Variants in TRAPPC9 observed in about 807,000 individuals in gnomAD.
TRAPPC9 encodes trafficking protein particle complex subunit 9, also known as IKK2 binding protein.
In TRAPPC9, 83 loss-of-function variants were observed where a neutral mutation model predicts 124.0. The ratio of observed to expected loss-of-function variants is 0.67; its 90% CI spans 0.56 to 0.80. TRAPPC9 has a LOEUF of 0.80. TRAPPC9 is among the 30% of genes least tolerant of loss of function. The pLI, the probability that TRAPPC9 is intolerant of heterozygous loss-of-function variation, is 0.00. For missense variants in TRAPPC9, 1,302 were observed against 1,508.3 expected (o/e 0.86, Z 2.27); for synonymous variants, 638 against 617.5 (o/e 1.03, Z -0.49).
chr8:139,799,724 G>A (rs1298155183), intron 21 of TRAPPC9, among the ~76,000 whole-genome samples: 1 of 152,222 alleles, frequency 6.6e-6, no homozygotes, highest in African/African-American at 2.4e-5. Flanking sequence ...GCAGTAACAG[G>A]AAGAATGTCC....
intron 17 of TRAPPC9, among the ~76,000 whole-genome samples, chr8:140,043,069 T>TC (rs1346113672): frequency 3.3e-5 from 5 of 152,126 alleles, no homozygotes; most frequent in Non-Finnish European, 7.4e-5. Context: ...ACATCAGCTG[T>TC]CCCCCACTCT....
intron 17 of TRAPPC9, among the ~76,000 whole-genome samples, chr8:140,072,833 T>A (rs1263901406): frequency 6.6e-6 from 1 of 151,918 alleles, no homozygotes; most frequent in East Asian, 1.9e-4. Context: ...ATTATTTAGA[T>A]CCAGAATATT....
intron 9 of TRAPPC9, among the ~76,000 whole-genome samples, chr8:140,343,551 T>C (rs1198572081): frequency 6.6e-6 from 1 of 152,188 alleles, no homozygotes; most frequent in Non-Finnish European, 1.5e-5. Context: ...CTCTGCACAT[T>C]TCACTTCCTA....
At chr8:140,143,033 G>A (rs1197812895) in intron 17 of TRAPPC9, among the ~76,000 whole-genome samples, 1 of 152,242 alleles carries the variant, frequency 6.6e-6, no homozygotes, top group East Asian at 1.9e-4. Context: ...GATAAAAGCA[G>A]CTGTTAGTGG....
chr8:139,868,825 T>C (rs1828714168), intron 21 of TRAPPC9, among the ~76,000 whole-genome samples: 1 of 152,236 alleles, frequency 6.6e-6, no homozygotes, highest in Non-Finnish European at 1.5e-5. Context: ...ATGGAGCTTA[T>C]ATTCTAATGA....
chr8:139,780,373 A>T (rs968678026), intron 21 of TRAPPC9, among the ~76,000 whole-genome samples: 2 of 152,166 alleles, frequency 1.3e-5, no homozygotes, highest in Admixed American at 6.5e-5. Context: ...TCAGAAATAC[A>T]CTCATGTCTG....
At chr8:139,739,675 G>A (rs989431050) in intron 21 of TRAPPC9, among the ~76,000 whole-genome samples, 1 of 152,226 alleles carries the variant, frequency 6.6e-6, no homozygotes, top group African/African-American at 2.4e-5. Context: ...AGGGCTTCCT[G>A]CCCCTGCCAG....
Position 140,043,312 on chromosome 8 carries a change from C to A in TRAPPC9, c.2557-19233G>T, listed in dbSNP as rs1295585544. On this transcript the variant is annotated intron_variant, in intron 17 of 22. Transcript: ENST00000438773. Reference sequence around the variant, plus strand: ...ACAAACATCTCTTGTACACTAAATTCAGTTTTGTTTAATCATCTTGTGGCT... The same window carrying A: ...ACAAACATCTCTTGTACACTAAATTAAGTTTTGTTTAATCATCTTGTGGCT... Among the ~76,000 whole-genome samples the A allele has an allele frequency of 2.0e-5, 3 of 152,210 alleles. No individual in the cohort carries two copies. In the East Asian group the frequency reaches 5.8e-4, roughly 29 times the overall value.
chr8:139,906,463 C>T (rs769998421), intron 20 of TRAPPC9, among the ~76,000 whole-genome samples: 12 of 152,132 alleles, frequency 7.9e-5, no homozygotes, highest in African/African-American at 1.7e-4. Flanking sequence ...CCCAATCACA[C>T]GTGGGGTCTG....
At chr8:139,895,087 G>A (rs551603155) in intron 20 of TRAPPC9, among the ~76,000 whole-genome samples, 44 of 152,286 alleles carry the variant, frequency 2.9e-4, no homozygotes, top group African/African-American at 6.3e-4. Flanking sequence ...GGGACAGAAC[G>A]GCCACCCCCG....
intron 4 of TRAPPC9, among the ~76,000 whole-genome samples, chr8:140,433,097 T>G (rs1431593235): frequency 1.4e-5 from 2 of 142,408 alleles, no homozygotes; most frequent in African/African-American, 2.7e-5. Flanking sequence ...GAGTCAGGAG[T>G]TGGAGACTAG....
At chr8:140,286,272 G>A (rs940229782) in intron 13 of TRAPPC9, among the ~76,000 whole-genome samples, 2 of 152,216 alleles carry the variant, frequency 1.3e-5, no homozygotes, top group Non-Finnish European at 2.9e-5. Context: ...AGGTTGCGGA[G>A]GCCAGCAGGA....
intron 21 of TRAPPC9, among the ~76,000 whole-genome samples, chr8:139,840,579 C>T (rs1212993498): frequency 6.6e-6 from 1 of 152,212 alleles, no homozygotes; most frequent in Non-Finnish European, 1.5e-5. Context: ...ACCAGAAACG[C>T]AGCCTGACCC....
intron 21 of TRAPPC9, among the ~76,000 whole-genome samples, chr8:139,832,663 C>A (rs1826067913): frequency 6.6e-6 from 1 of 152,166 alleles, no homozygotes. Context: ...GGCCTTCCCT[C>A]TGCTTGTGGG....
intron 15 of TRAPPC9, among the ~76,000 whole-genome samples, chr8:140,265,279 A>G (rs2064597781): frequency 6.6e-6 from 1 of 152,222 alleles, no homozygotes; most frequent in South Asian, 2.1e-4. Context: ...GTATGCTCAG[A>G]AGATGTCTAA....
rs952726390 is a variant in TRAPPC9 at position 140,450,892 on chromosome 8, G to C, written c.482C>G (p.Ser161Cys). The C allele has an allele frequency of 6.2e-7, 1 of 1,614,094 alleles. No individual in the cohort carries two copies. Among genetic ancestry groups the C allele is most frequent in the South Asian group, 1.1e-5 (1 of 91,070 alleles). ...FIESLFIVLE[S>C]KRLDRATDKS... is the part of the protein sequence containing the mutation. The stretch of plus-strand genomic sequence containing the variant: ...GTCTGTGGCTCTGTCCAGACGCTTG[G>C]ACTCCAGCACGATGAACAGTGACTC... The change falls in exon 2 of 23, where the codon TCC becomes TGC. Residue 161 changes from serine to cysteine, a missense_variant. Ser to Cys is a moderately radical substitution (Grantham distance 112). Transcript: ENST00000438773.
intron 16 of TRAPPC9, among the ~76,000 whole-genome samples, chr8:140,222,214 C>A (rs1477331826): frequency 6.6e-6 from 1 of 152,134 alleles, no homozygotes; most frequent in Non-Finnish European, 1.5e-5. Flanking sequence ...CTAAGTGCTA[C>A]CTCCTCACCC....
chr8:140,036,390 G>C (rs892640267), intron 17 of TRAPPC9, among the ~76,000 whole-genome samples: 13 of 152,118 alleles, frequency 8.5e-5, no homozygotes, highest in Non-Finnish European at 1.8e-4. Context: ...CTCCGCACAC[G>C]TGCTGCCATT....
At chr8:140,103,348 G>A (rs2060613210) in intron 17 of TRAPPC9, among the ~76,000 whole-genome samples, 1 of 152,206 alleles carries the variant, frequency 6.6e-6, no homozygotes, top group Admixed American at 6.5e-5. Flanking sequence ...GGAGAATTGT[G>A]AAGATTAAAT....
Sources: allele counts gnomAD v4.1 joint callset (sites outside exome capture counted in the v4.1 genomes callset), GRCh38; gene constraint gnomAD v4.1.1; transcripts MANE v1.5; gene names NCBI Gene and HGNC (gene_info 2026-07-23, HGNC 2026-07-21).